CACNG4: variants seen among roughly 807,000 people sequenced by gnomAD.
CACNG4 encodes the protein calcium voltage-gated channel auxiliary subunit gamma 4, also known as voltage-dependent calcium channel gamma-4 subunit.
In CACNG4, 8 loss-of-function variants were observed where a neutral mutation model predicts 22.9. That is an observed-to-expected ratio of 0.35 (90% CI 0.21 to 0.63). The LOEUF (loss-of-function observed/expected upper bound fraction) is 0.63. Ranked by LOEUF, CACNG4 falls within the 30% of genes least tolerant of loss-of-function variation. The pLI is 0.72. For synonymous variants in CACNG4, 188 were observed against 191.9 expected, an observed-to-expected ratio of 0.98 and a Z score of 0.17; for missense variants, 357 against 455.4, an observed-to-expected ratio of 0.78 and a Z score of 1.97.
chr17:66,981,208 G>A lies in CACNG4; in HGVS notation c.220+16077G>A, dbSNP rs866848071. ...CAAGAGTTTCAGTTAAGGCAGAAGC[G>A]CGAGGGAATATGGAAGGAGATGCTG... On this transcript the variant is annotated intron_variant, in intron 1 of 3. Transcript: ENST00000262138. Among the ~76,000 whole-genome samples, 6 of 152,254 alleles carry A rather than the reference G, an allele frequency of 3.9e-5. No homozygotes were observed. The South Asian group carries it at 1.2e-3, about 32-fold the overall frequency.
At chr17:66,997,688 A>G (rs887637629) in intron 1 of CACNG4, among the ~76,000 whole-genome samples, 2 of 152,148 alleles carry the variant, frequency 1.3e-5, no homozygotes, top group African/African-American at 4.8e-5. Context: ...GTGGTAGCAC[A>G]CGGCTGTAAT....
chr17:66,977,645 C>T (rs2035245955), intron 1 of CACNG4, among the ~76,000 whole-genome samples: 1 of 152,246 alleles, frequency 6.6e-6, no homozygotes, highest in Non-Finnish European at 1.5e-5. Flanking sequence ...GTGGCCCAGG[C>T]ACCACGGGGC....
chr17:67,023,307 G>A (rs1220281442), intron 2 of CACNG4, among the ~76,000 whole-genome samples: 38 of 114,176 alleles, frequency 3.3e-4, no homozygotes, highest in African/African-American at 1.1e-3. Context: ...ACAGAGTCTC[G>A]CTCTGTCACC....
rs1555579548 is a variant in CACNG4, at chr17:67,014,956, A to AAAG, written c.221-3231_221-3230insGAA. 9.8e-3 allele frequency among the ~76,000 whole-genome samples: 1,468 copies of AAAG among 150,424 alleles called. 21 individuals are homozygous for AAAG. The highest frequency in any genetic ancestry group is 0.034 in the African/African-American group (1,381 of 40,254). On this transcript the variant is annotated intron_variant, in intron 1 of 3. Coordinates refer to ENST00000262138, the MANE Select transcript of CACNG4 (RefSeq NM_014405.4). ...CATCTCCAAAAACAAAAAAAAAAAAAAAAGAAAGAAAGAAAGAAATAGCTG... is the reference window on the plus strand; with the variant it reads ...CATCTCCAAAAACAAAAAAAAAAAAAAAGAAAGAAAGAAAGAAAGAAATAGCTG...
At chr17:67,008,862 T>C (rs2035451980) in intron 1 of CACNG4, among the ~76,000 whole-genome samples, 1 of 151,944 alleles carries the variant, frequency 6.6e-6, no homozygotes, top group Admixed American at 6.6e-5. Flanking sequence ...GGCAGGAGAA[T>C]CACTTGAACC....
intron 1 of CACNG4, among the ~76,000 whole-genome samples, chr17:66,970,465 C>T (rs554590750): frequency 6.8e-4 from 104 of 152,254 alleles, no homozygotes; most frequent in African/African-American, 2.5e-3. Context: ...TGCAGATGGC[C>T]GGCTTCTTCA....
intron 1 of CACNG4, among the ~76,000 whole-genome samples, chr17:66,980,884 C>T (rs1347729210): frequency 1.3e-5 from 2 of 151,964 alleles, no homozygotes; most frequent in Non-Finnish European, 2.9e-5. Context: ...CTCCCAAAGT[C>T]CTGGGATTAC....
chr17:67,014,852 G>T (rs908951824), intron 1 of CACNG4, among the ~76,000 whole-genome samples: 1 of 151,396 alleles, frequency 6.6e-6, no homozygotes, highest in Admixed American at 6.6e-5. Context: ...CATGAGAATT[G>T]CTTGAACCCA....
chr17:66,995,421 T>C (rs8071597), intron 1 of CACNG4, among the ~76,000 whole-genome samples: 35,832 of 152,068 alleles, frequency 0.24, 7,598 homozygotes, highest in African/African-American at 0.57. Context: ...AGGGAGGCAC[T>C]GGAAGGGCAG....
In CACNG4 at chr17:67,027,302, C is replaced by G. The variant is rs1222569510; in HGVS notation, c.445+2302C>G. Among the ~76,000 whole-genome samples the G allele has an allele frequency of 6.6e-6, 1 of 152,218 alleles. No individual in the cohort carries two copies. Among genetic ancestry groups the G allele is most frequent in the Non-Finnish European group, 1.5e-5 (1 of 68,034 alleles). On this transcript the variant is annotated intron_variant, in intron 3 of 3. Transcript: ENST00000262138. The surrounding 1 kb of genome is among the most constrained non-coding windows in gnomAD (Gnocchi z 4.3). The stretch of plus-strand genomic sequence containing the variant: ...CAGATGCTTGGTGCCACCAGAGGGA[C>G]TTGGAGCCTGGACCCAGAGCCCTAG...
chr17:67,018,313 C>A, intron 2 of CACNG4, 41 bp downstream of exon 2: 2 of 1,521,002 alleles, frequency 1.3e-6, no homozygotes, highest in African/African-American at 1.4e-5. Context: ...TGTGGGGAGG[C>A]GGAAGGGTGG....
At chr17:66,976,533 C>T (rs2035237594) in intron 1 of CACNG4, among the ~76,000 whole-genome samples, 1 of 151,054 alleles carries the variant, frequency 6.6e-6, no homozygotes, top group African/African-American at 2.4e-5. Context: ...CTCCCTCCCT[C>T]CTTCCTCTCT....
Position 67,011,184 on chromosome 17 carries a change from C to G in CACNG4, c.221-7005C>G, listed in dbSNP as rs1281153696. On this transcript the variant is annotated intron_variant, in intron 1 of 3. Transcript: ENST00000262138. ...GTGGTCTTCACCCTCACCGCCTTCT[C>G]TGGTCTGTGTGGCCTCAGTAGGTGT... Among the ~76,000 whole-genome samples the G allele has an allele frequency of 2.0e-5, 3 of 152,362 alleles. No individual in the cohort carries two copies. The East Asian group carries it at 5.8e-4, about 29-fold the overall frequency.
intron 1 of CACNG4, 115 bp downstream of exon 1, chr17:66,965,246 G>T: frequency 3.0e-6 from 2 of 662,198 alleles, no homozygotes; most frequent in Non-Finnish European, 4.8e-6. Context: ...TGCCCGGCGC[G>T]CGGGCCGGGG....
chr17:67,022,764 A>T (rs938801873), intron 2 of CACNG4, among the ~76,000 whole-genome samples: 3 of 152,216 alleles, frequency 2.0e-5, no homozygotes, highest in African/African-American at 7.2e-5. Flanking sequence ...GGGAGACAGC[A>T]GGTGCTTGGG....
In CACNG4 at chr17:67,031,506, C is replaced by T. The variant is rs1407052378; in HGVS notation, c.*502C>T. On this transcript the variant is annotated 3_prime_UTR_variant, in exon 4 of 4. Transcript: ENST00000262138. This position sits in a 1 kb window ranked among gnomAD's most constrained non-coding sequence, Gnocchi z 4.0. ...CTGCGTCGTTGAGCCAGAAATCAGACCACCGAAGCTCACTCCCTTCCTCTC... is the reference window on the plus strand; with the variant it reads ...CTGCGTCGTTGAGCCAGAAATCAGATCACCGAAGCTCACTCCCTTCCTCTC... The T allele has an allele frequency of 2.2e-6, 1 of 457,416 alleles. No individual in the cohort carries two copies. The highest frequency in any genetic ancestry group is 4.4e-6 in the Non-Finnish European group (1 of 227,236). 28.3% of individuals were successfully genotyped at this position (457,416 alleles called of 1,614,324 possible). A position where few individuals can be genotyped will look rare whatever the true frequency, so the allele number is the denominator to read the frequency against.
At chr17:66,992,608 C>T (rs979505980) in intron 1 of CACNG4, among the ~76,000 whole-genome samples, 1 of 152,176 alleles carries the variant, frequency 6.6e-6, no homozygotes, top group Non-Finnish European at 1.5e-5. Flanking sequence ...TGGGCCCCTT[C>T]GAGGCATCCC....
chr17:66,988,801 G>C (rs1049588585), intron 1 of CACNG4, among the ~76,000 whole-genome samples: 2 of 152,172 alleles, frequency 1.3e-5, no homozygotes, highest in Admixed American at 6.5e-5. Context: ...GCTCACGCCT[G>C]TGATCTCTGC....
intron 1 of CACNG4, among the ~76,000 whole-genome samples, chr17:66,985,670 T>C (rs2035301335): frequency 6.6e-6 from 1 of 152,200 alleles, no homozygotes; most frequent in Non-Finnish European, 1.5e-5. Context: ...TCTTTATTCA[T>C]CCAGCAGACA....
Sources: gnomAD v4.1 joint callset for allele counts (sites outside exome capture counted in the v4.1 genomes callset) on GRCh38, gnomAD v4.1.1 for gene constraint, Gnocchi (gnomAD v3.1) non-coding constraint, MANE v1.5 for transcripts, NCBI Gene and HGNC (gene_info 2026-07-23, HGNC 2026-07-21) for gene names.